The following SF3A2 variants were observed in gnomAD, a reference collection of about 807,000 sequenced individuals.
SF3A2 encodes the protein SAP 62.
SF3A2 carries 5 observed loss-of-function variants against 31.1 expected under a neutral mutation model. The ratio of observed to expected loss-of-function variants is 0.16; its 90% CI spans 0.08 to 0.34. The LOEUF is 0.34. Among genes scored for constraint, SF3A2 ranks in the 10% least tolerant of loss-of-function variants. SF3A2 has a pLI of 1.00. For synonymous variants in SF3A2, 365 were observed against 263.7 expected (o/e 1.38, Z -3.72); for missense variants, 577 against 643.9 (o/e 0.90, Z 1.13).
In SF3A2 at chr19:2,248,423, G is replaced by C. The variant is rs1383782139; in HGVS notation, c.1272G>C (p.Gln424His). Residue 424 changes from glutamine to histidine, a missense_variant, in exon 9 of 9, where the codon CAG becomes CAC. By Grantham distance (24) the Gln-to-His change is conservative. Coordinates refer to ENST00000221494, the MANE Select transcript of SF3A2 (RefSeq NM_007165.5). Reference sequence around the variant, plus strand: ...CGTCGGCTCCTGGGGTCCACCCTCAGCCTCCGGGAGTTCACCCCTCAAATC... The same window carrying C: ...CGTCGGCTCCTGGGGTCCACCCTCACCCTCCGGGAGTTCACCCCTCAAATC... ...VHPSAPGVHP[Q>H]PPGVHPSNPG... is the part of the protein sequence containing the mutation. 7 of 1,368,350 alleles carry C rather than the reference G, an allele frequency of 5.1e-6. No individual in the cohort carries two copies. The highest frequency in any genetic ancestry group is 6.6e-6 in the Non-Finnish European group (7 of 1,064,038). 84.8% of individuals were successfully genotyped at this position (1,368,350 alleles called of 1,614,324 possible).
chr19:2,248,181 C>T lies in SF3A2; in HGVS notation c.1030C>T (p.His344Tyr), dbSNP rs1330498033. 4 of 1,444,534 alleles carry T rather than the reference C, an allele frequency of 2.8e-6. No individual in the cohort carries two copies. Among genetic ancestry groups the T allele is most frequent in the South Asian group, 1.3e-5 (1 of 79,328 alleles). The allele number at this position is 1,444,534 out of a possible 1,614,324, so 89.5% of individuals were successfully genotyped here. A position where few individuals can be genotyped will look rare whatever the true frequency, so the allele number is the denominator to read the frequency against. ...PGVHPPAPGV[H>Y]PPAPGVHPPA... Reference sequence around the variant, plus strand: ...AGTCCACCCTCCAGCCCCCGGGGTTCACCCACCAGCCCCCGGAGTCCACCC... The same window carrying T: ...AGTCCACCCTCCAGCCCCCGGGGTTTACCCACCAGCCCCCGGAGTCCACCC... Residue 344 changes from histidine to tyrosine, a missense_variant, in exon 9 of 9, where the codon CAC becomes TAC. By Grantham distance (83) the His-to-Tyr change is moderately conservative. This residue lies in a region of SF3A2 where 462 missense variants were observed against 339.1 expected (regional missense o/e 1.36). Transcript: ENST00000221494.
intron 2 of SF3A2, 67 bp downstream of exon 2, chr19:2,243,611 T>A: frequency 6.9e-7 from 1 of 1,446,658 alleles, no homozygotes; most frequent in Non-Finnish European, 9.1e-7. Context: ...CTGGAGAGGG[T>A]GCCAGAGGCT....
In SF3A2 at chr19:2,247,838, G is replaced by C; in HGVS notation, c.687G>C (p.Gly229=). 2 of 1,589,710 alleles carry C rather than the reference G, an allele frequency of 1.3e-6. No individual in the cohort carries two copies. The highest frequency in any genetic ancestry group is 8.6e-7 in the Non-Finnish European group (1 of 1,163,850). The change falls in exon 9 of 9, where the codon GGG becomes GGC. Residue 229 remains glycine (G), a synonymous_variant. Transcript: ENST00000221494. ...CCAGCCTCCCTGCTGGCCCCCCTGGGGTGAAGCGGCCTCCACCCCCGCTGA... is the reference window on the plus strand; with the variant it reads ...CCAGCCTCCCTGCTGGCCCCCCTGGCGTGAAGCGGCCTCCACCCCCGCTGA... ...APPSLPAGPP[G]VKRPPPPLMN...
chr19:2,238,906 T>A (rs79099718), intron 1 of SF3A2, among the ~76,000 whole-genome samples: 9,017 of 152,300 alleles, frequency 0.059, 294 homozygotes, highest in East Asian at 0.13. Flanking sequence ...GTTTCCAGTG[T>A]GGTCATCTCT....
At chr19:2,242,832 A>G (rs2024902731) in intron 1 of SF3A2, among the ~76,000 whole-genome samples, 1 of 152,130 alleles carries the variant, frequency 6.6e-6, no homozygotes, top group Admixed American at 6.5e-5. Context: ...GATGTGGCAG[A>G]TCTCCCAGGT....
Position 2,245,590 on chromosome 19 carries a change from C to T in SF3A2, c.355+35C>T. 7.0e-7 allele frequency: 1 copy of T among 1,433,478 alleles called. No homozygotes were observed. The highest frequency in any genetic ancestry group is 2.5e-5 in the East Asian group (1 of 40,382). 88.8% of individuals were successfully genotyped at this position (1,433,478 alleles called of 1,614,324 possible). A position where few individuals can be genotyped will look rare whatever the true frequency, so the allele number is the denominator to read the frequency against. On this transcript the variant is annotated intron_variant, in intron 5 of 8. Transcript: ENST00000221494. The surrounding 1 kb of genome is among the most constrained non-coding windows in gnomAD (Gnocchi z 4.2). ...CCCGCAGCGGGGCCGGCCACAGCCG[C>T]TGCCGTGACATAAGTGTGTTCTTTA... is the stretch of plus-strand genomic sequence containing the variant.
chr19:2,242,451 A>C (rs1373256588), intron 1 of SF3A2, among the ~76,000 whole-genome samples: 1 of 152,068 alleles, frequency 6.6e-6, no homozygotes, highest in Non-Finnish European at 1.5e-5. Flanking sequence ...TCTGACTCTC[A>C]GCCTCCCGCC....
Position 2,247,849 on chromosome 19 carries a change from C to G in SF3A2, c.698C>G (p.Pro233Arg), listed in dbSNP as rs575076689. The change falls in exon 9 of 9, where the codon CCT becomes CGT. Residue 233 changes from proline to arginine, a missense_variant. Coordinates refer to ENST00000221494, the MANE Select transcript of SF3A2 (RefSeq NM_007165.5). Reference protein sequence around the residue: ...LPAGPPGVKRPPPPLMNGLPP... With the variant: ...LPAGPPGVKRRPPPLMNGLPP... ...GCTGGCCCCCCTGGGGTGAAGCGGC[C>G]TCCACCCCCGCTGATGAACGGTCTG... The G allele has an allele frequency of 6.5e-7, 1 of 1,543,354 alleles. No individual in the cohort carries two copies. Among genetic ancestry groups the G allele is most frequent in the African/African-American group, 1.4e-5 (1 of 73,672 alleles).
At position 2,245,457 on chromosome 19, in the gene SF3A2, CAGCCAAGGA is replaced by C; in HGVS notation, c.258_266del (p.Lys91_Ala93del). On this transcript the variant is annotated inframe_deletion, in exon 5 of 9. Transcript: ENST00000221494. The surrounding 1 kb of genome is among the most constrained non-coding windows in gnomAD (Gnocchi z 4.2). ...CATCCTGTCCGCAGGGCCCGGCGAG[CAGCCAAGGA>C]GGCCAAGGAGGCCCCTGCCCAGCCC... 1.3e-6 allele frequency: 2 copies of C among 1,550,294 alleles called. No homozygotes were observed. The highest frequency in any genetic ancestry group is 1.7e-6 in the Non-Finnish European group (2 of 1,146,680).
Position 2,245,253 on chromosome 19 carries a change from G to A in SF3A2, c.246-193G>A. ...GGGCCCCAGCCAGGGACAGTGAGGA[G>A]CATGACAGGAAGAGAACATGCCTGT... On this transcript the variant is annotated intron_variant, in intron 4 of 8. Coordinates refer to ENST00000221494, the MANE Select transcript of SF3A2 (RefSeq NM_007165.5). This position sits in a 1 kb window ranked among gnomAD's most constrained non-coding sequence, Gnocchi z 4.2. 2 of 560,842 alleles carry A rather than the reference G, an allele frequency of 3.6e-6. No homozygotes were observed. Among genetic ancestry groups the A allele is most frequent in the South Asian group, 2.5e-5 (1 of 40,682 alleles). The allele number at this position is 560,842 out of a possible 1,614,324, so 34.7% of individuals were successfully genotyped here.
chr19:2,244,942 T>C (rs768935819), intron 4 of SF3A2, 163 bp downstream of exon 4: 1 of 647,114 alleles, frequency 1.5e-6, no homozygotes, highest in Non-Finnish European at 2.7e-6. Context: ...AACAGAGGCA[T>C]GGATGGCTGA....
intron 7 of SF3A2, 54 bp from the exon 8 acceptor site, chr19:2,247,540 G>A: frequency 6.3e-7 from 1 of 1,586,358 alleles, no homozygotes; most frequent in South Asian, 1.1e-5. Context: ...CCTGCCTGAT[G>A]GTCGCCCTGA....
rs183696808 is a variant in SF3A2 at position 2,248,538 on chromosome 19, A to G, written c.1387A>G (p.Thr463Ala). 341 of 945,934 alleles carry G rather than the reference A, an allele frequency of 3.6e-4. 3 individuals are homozygous for G. The African/African-American group carries it at 6.1e-3, about 17-fold the overall frequency. The allele number at this position is 945,934 out of a possible 1,614,324, so 58.6% of individuals were successfully genotyped here. ...GPGNIPPPPP[T>A]N ...AGGGAACATACCTCCCCCTCCCCCA[A>G]CCAACTGAGAAGCTGCTCCCTCCCC... Residue 463 changes from threonine to alanine, a missense_variant, in exon 9 of 9, where the codon ACC (threonine) becomes GCC (alanine). Physicochemically the swap from Thr to Ala is moderately conservative, Grantham distance 58. Transcript: ENST00000221494.
At chr19:2,244,084 G>A (rs914815686) in intron 2 of SF3A2, among the ~76,000 whole-genome samples, 11 of 152,348 alleles carry the variant, frequency 7.2e-5, no homozygotes, top group South Asian at 2.1e-4. Context: ...AGATGTGTGC[G>A]CCCGGCTGCC....
At chr19:2,242,442 C>G (rs1313076866) in intron 1 of SF3A2, among the ~76,000 whole-genome samples, 1 of 152,206 alleles carries the variant, frequency 6.6e-6, no homozygotes, top group Non-Finnish European at 1.5e-5. Context: ...CGCAGCCTCT[C>G]TGACTCTCAG....
chr19:2,241,632 G>A (rs1024028119), intron 1 of SF3A2, among the ~76,000 whole-genome samples: 4 of 152,196 alleles, frequency 2.6e-5, no homozygotes, highest in South Asian at 2.1e-4. Context: ...AGCTGACGGC[G>A]CCAGCATGGA....
rs1479349678 is a variant in SF3A2, at chr19:2,248,225, C to T, written c.1074C>T (p.His358=). 1.4e-6 allele frequency: 2 copies of T among 1,450,200 alleles called. No individual in the cohort carries two copies. Among genetic ancestry groups the T allele is most frequent in the Non-Finnish European group, 1.8e-6 (2 of 1,092,838 alleles). The allele number at this position is 1,450,200 out of a possible 1,614,324, so 89.8% of individuals were successfully genotyped here. ...TCCACCCACCAGCCCCTGGGGTTCA[C>T]CCACCAGCCCCAGGGGTCCATCCTC... The part of the protein sequence containing the change: ...PGVHPPAPGV[H]PPAPGVHPPP... The change falls in exon 9 of 9, where the codon CAC becomes CAT. Residue 358 remains histidine, a synonymous_variant. Transcript: ENST00000221494.
Position 2,248,295 on chromosome 19 carries a change from G to A in SF3A2, c.1144G>A (p.Ala382Thr). ...VHPQAPGVHP[A>T]APAVHPQAPG... ...CCCCCAGGCCCCGGGGGTGCACCCA[G>A]CAGCCCCCGCCGTTCACCCTCAGGC... The change falls in exon 9 of 9, where the codon GCA becomes ACA. Residue 382 changes from alanine (A) to threonine (T), a missense_variant. Physicochemically the swap from Ala to Thr is moderately conservative, Grantham distance 58 (BLOSUM62 0). This residue lies in a region of SF3A2 where 462 missense variants were observed against 339.1 expected (regional missense o/e 1.36). Coordinates refer to ENST00000221494, the MANE Select transcript of SF3A2 (RefSeq NM_007165.5). 2.2e-6 allele frequency: 3 copies of A among 1,348,680 alleles called. No individual in the cohort carries two copies. The highest frequency in any genetic ancestry group is 1.7e-5 in the South Asian group (1 of 60,370). The allele number at this position is 1,348,680 out of a possible 1,614,324, so 83.5% of individuals were successfully genotyped here.
chr19:2,247,004 C>G lies in SF3A2; in HGVS notation c.528C>G (p.Tyr176Ter). Residue 176 changes from tyrosine (Y) to a stop codon, truncating the protein, a stop_gained, in exon 7 of 9, where the codon TAC becomes TAG. Coordinates refer to ENST00000221494, the MANE Select transcript of SF3A2 (RefSeq NM_007165.5). LOFTEE classifies it high-confidence loss of function. ...WQYLLMAAEP[Y>*]ETIAFKVPSR... ...ACCTGCTCATGGCCGCCGAGCCCTA[C>G]GAGACCATTGCCTTCAAGGTAGCGT... 6.8e-7 allele frequency: 1 copy of G among 1,475,356 alleles called. No homozygotes were observed. Among genetic ancestry groups the G allele is most frequent in the Non-Finnish European group, 9.0e-7 (1 of 1,108,556 alleles). The allele number at this position is 1,475,356 out of a possible 1,614,324, so 91.4% of individuals were successfully genotyped here.
Sources: allele counts gnomAD v4.1 joint callset (sites outside exome capture counted in the v4.1 genomes callset), GRCh38; gene constraint gnomAD v4.1.1; regional missense constraint gnomAD v4.1.1; non-coding constraint Gnocchi (gnomAD v3.1); transcripts MANE v1.5; gene names NCBI Gene and HGNC (gene_info 2026-07-23, HGNC 2026-07-21).